Variants in ZSCAN5A observed in about 807,000 individuals in gnomAD.
The protein encoded by ZSCAN5A is zinc finger and SCAN domain containing 5A.
A neutral mutation model predicts 23.7 loss-of-function variants in ZSCAN5A; 12 were observed. The observed-to-expected ratio is 0.51, with a 90% confidence interval of 0.32 to 0.82. The LOEUF (loss-of-function observed/expected upper bound fraction) is 0.82, where lower values mean the gene tolerates loss of function less well. Ranked by LOEUF, ZSCAN5A falls within the 40% of genes least tolerant of loss-of-function variation. ZSCAN5A has a pLI of 0.03. For missense variants in ZSCAN5A, 597 were observed against 617.9 expected, an observed-to-expected ratio of 0.97 and a Z score of 0.36; for synonymous variants, 257 against 239.9, an observed-to-expected ratio of 1.07 and a Z score of -0.66.
chr19:56,226,834 G>C (rs2033993307), intron 2 of ZSCAN5A, among the ~76,000 whole-genome samples: 1 of 151,996 alleles, frequency 6.6e-6, no homozygotes, highest in African/African-American at 2.4e-5. Flanking sequence ...CTGGGTGATG[G>C]GTAGAGTCAT....
intron 2 of ZSCAN5A, chr19:56,228,306 G>A (rs944805239): frequency 2.6e-5 from 26 of 985,104 alleles, no homozygotes; most frequent in Non-Finnish European, 3.1e-5. Context: ...CTCTCCAACC[G>A]GCCTGGAGCT....
At chr19:56,265,227 A>G (rs1355865484) in intron 2 of ZSCAN5A, among the ~76,000 whole-genome samples, 4 of 151,760 alleles carry the variant, frequency 2.6e-5, no homozygotes, top group Admixed American at 2.6e-4. Flanking sequence ...GAATTACAAA[A>G]AAACCATTCT....
intron 2 of ZSCAN5A, 77 bp downstream of exon 2, chr19:56,313,205 AT>A: frequency 3.3e-6 from 1 of 301,760 alleles, no homozygotes; most frequent in Non-Finnish European, 6.5e-6. Flanking sequence ...TGGAAGATGT[AT>A]TAGTCTGTTT....
intron 2 of ZSCAN5A, among the ~76,000 whole-genome samples, chr19:56,227,806 A>C (rs914084097): frequency 6.6e-6 from 1 of 152,134 alleles, no homozygotes; most frequent in Admixed American, 6.5e-5. Context: ...TGTAATTCTA[A>C]CAGGTTGGAA....
chr19:56,326,993 G>A (rs1007282743), intron 2 of ZSCAN5A, among the ~76,000 whole-genome samples: 3 of 151,808 alleles, frequency 2.0e-5, no homozygotes, highest in South Asian at 2.1e-4. Context: ...TGCCCTTCAC[G>A]AGTTGAGGTT....
At chr19:56,231,893 T>C (rs897305102) in intron 2 of ZSCAN5A, among the ~76,000 whole-genome samples, 5 of 152,094 alleles carry the variant, frequency 3.3e-5, no homozygotes, top group African/African-American at 4.8e-5. Context: ...AGGCTCTTCA[T>C]CATCTGTCCC....
chr19:56,229,422 T>C (rs1414601994), intron 2 of ZSCAN5A, among the ~76,000 whole-genome samples: 2 of 152,210 alleles, frequency 1.3e-5, no homozygotes, highest in African/African-American at 4.8e-5. Flanking sequence ...TGCCAAGAAA[T>C]TGTAACAATT....
intron 2 of ZSCAN5A, among the ~76,000 whole-genome samples, chr19:56,256,171 G>T (rs1006329759): frequency 1.3e-5 from 2 of 152,148 alleles, no homozygotes; most frequent in African/African-American, 4.8e-5. Flanking sequence ...CCACCATAAA[G>T]AGAGGATTTT....
At chr19:56,281,200 C>T (rs1033513206) in intron 2 of ZSCAN5A, among the ~76,000 whole-genome samples, 38 of 152,082 alleles carry the variant, frequency 2.5e-4, no homozygotes, top group Admixed American at 1.7e-3. Flanking sequence ...GGTCTTCATC[C>T]TTGTCATCTT....
chr19:56,339,368 C>T (rs1422871979), intron 2 of ZSCAN5A, among the ~76,000 whole-genome samples: 29 of 131,942 alleles, frequency 2.2e-4, no homozygotes, highest in Middle Eastern at 4.5e-3. Flanking sequence ...GAAGGAGCGG[C>T]TGTAGCCGCA....
chr19:56,272,064 A>G (rs2037887840), intron 2 of ZSCAN5A, among the ~76,000 whole-genome samples: 1 of 152,248 alleles, frequency 6.6e-6, no homozygotes, highest in Admixed American at 6.5e-5. Flanking sequence ...CCAACTTTAT[A>G]GATCAAGAAA....
rs754446242 is a variant in ZSCAN5A, at chr19:56,224,967, G to T, written c.80C>A (p.Ala27Glu). The change falls in exon 3 of 6, where the codon GCA becomes GAA. Residue 27 changes from alanine (A) to glutamate (E), a missense_variant. Ala to Glu is a moderately radical substitution (Grantham distance 107, BLOSUM62 -1). Coordinates refer to ENST00000683990, the MANE Select transcript of ZSCAN5A (RefSeq NM_001322064.3). ...RPGLELPRSM[A>E]SSETQLGNHD... The stretch of plus-strand genomic sequence containing the variant: ...ATTTCCAAGTTGAGTTTCTGAGGAT[G>T]CCATAGACCGTGGCAGCTCCAACCC... The T allele has an allele frequency of 1.9e-6, 3 of 1,614,212 alleles. No individual in the cohort carries two copies. The highest frequency in any genetic ancestry group is 1.7e-5 in the Admixed American group (1 of 60,026).
chr19:56,336,188 T>C (rs2041534258), intron 2 of ZSCAN5A, among the ~76,000 whole-genome samples: 1 of 152,254 alleles, frequency 6.6e-6, no homozygotes, highest in African/African-American at 2.4e-5. Flanking sequence ...TTTTCCAACT[T>C]GGTTCCATTC....
rs370457806 is a variant in ZSCAN5A, at chr19:56,326,139, G to A, written c.-357-9871C>T. Among the ~76,000 whole-genome samples the A allele has an allele frequency of 4.3e-4, 65 of 151,786 alleles. 1 individual carries two copies. In the East Asian group the frequency reaches 0.01, roughly 24 times the overall value. ...TTTTTAGTAGAGACGGGGTTTCACC[G>A]TGTTAGCCAGGATGGTCTCGATCTC... is the stretch of plus-strand genomic sequence containing the variant. On this transcript the variant is annotated intron_variant, in intron 2 of 6. Coordinates refer to the ZSCAN5A transcript ENST00000587340.
At chr19:56,302,083 C>G in intron 2 of ZSCAN5A, 1 of 1,231,754 alleles carries the variant, frequency 8.1e-7, no homozygotes, top group Admixed American at 4.2e-5. Context: ...TATCCTACAA[C>G]AAAGGGGACT....
chr19:56,266,884 G>C (rs1262355053), intron 2 of ZSCAN5A: 1 of 152,262 alleles, frequency 6.6e-6, no homozygotes, highest in Admixed American at 6.5e-5. Flanking sequence ...TCTCACGGCG[G>C]AGCCCACTCA....
intron 2 of ZSCAN5A, among the ~76,000 whole-genome samples, chr19:56,334,318 T>C (rs976823335): frequency 6.6e-6 from 1 of 152,228 alleles, no homozygotes; most frequent in Non-Finnish European, 1.5e-5. Context: ...GTGGGGTGGC[T>C]CACAGACTGC....
chr19:56,302,323 TC>T (rs1568724990), intron 2 of ZSCAN5A, among the ~76,000 whole-genome samples: 1,692 of 14,644 alleles, frequency 0.12, 19 homozygotes, highest in Non-Finnish European at 0.14. Flanking sequence ...CCTCCCTCCC[TC>T]CCCTTCCTCC....
chr19:56,361,643 G>A (rs969469836), intron 2 of ZSCAN5A, among the ~76,000 whole-genome samples: 5 of 152,110 alleles, frequency 3.3e-5, no homozygotes, highest in Admixed American at 3.3e-4. Context: ...CTTATAAGTG[G>A]GAGCTGAACA....
Sources: gnomAD v4.1 joint callset for allele counts (sites outside exome capture counted in the v4.1 genomes callset) on GRCh38, gnomAD v4.1.1 for gene constraint, MANE v1.5 for transcripts, NCBI Gene and HGNC (gene_info 2026-07-23, HGNC 2026-07-21) for gene names.